STK32A: variants seen among roughly 807,000 people sequenced by gnomAD.
STK32A encodes the protein serine/threonine kinase 32A.
STK32A carries 41 observed loss-of-function variants against 53.2 expected under a neutral mutation model. The ratio of observed to expected loss-of-function variants is 0.77; its 90% CI spans 0.60 to 1.00. STK32A has a LOEUF of 1.00. Among genes scored for constraint, STK32A ranks in the 50% least tolerant of loss-of-function variants. The probability of loss-of-function intolerance (pLI) is 0.00; values close to 1 mark genes in which losing one functional copy is unlikely to be tolerated. For synonymous variants in STK32A, 166 were observed against 162.8 expected (o/e 1.02, Z -0.15); for missense variants, 458 against 485.8 (o/e 0.94, Z 0.54).
chr5:147,381,716 A>G (rs1757461870), intron 11 of STK32A, among the ~76,000 whole-genome samples: 1 of 151,276 alleles, frequency 6.6e-6, no homozygotes, highest in Admixed American at 6.6e-5. Context: ...TACTTGGGAT[A>G]CACTGTGCCT....
intron 8 of STK32A, among the ~76,000 whole-genome samples, chr5:147,364,275 ATT>A (rs1457521548): frequency 1.3e-5 from 2 of 152,086 alleles, no homozygotes; most frequent in East Asian, 3.9e-4. Flanking sequence ...ATCACTCACA[ATT>A]TCTACCTTCT....
At chr5:147,331,045 C>G (rs570349147) in intron 5 of STK32A, among the ~76,000 whole-genome samples, 1 of 152,258 alleles carries the variant, frequency 6.6e-6, no homozygotes, top group South Asian at 2.1e-4. Context: ...TAAGACATTT[C>G]TGCAGCTAAT....
chr5:147,277,492 CA>C (rs1267397699), intron 2 of STK32A, among the ~76,000 whole-genome samples: 1 of 152,154 alleles, frequency 6.6e-6, no homozygotes, highest in Non-Finnish European at 1.5e-5. Flanking sequence ...CACACATATC[CA>C]TTCTAATCTG....
At chr5:147,316,385 A>AC (rs1261538650) in intron 4 of STK32A, among the ~76,000 whole-genome samples, 1 of 152,232 alleles carries the variant, frequency 6.6e-6, no homozygotes. Context: ...CAGGAAATAT[A>AC]CAAGATAGCC....
At chr5:147,263,256 A>G (rs6891890) in intron 2 of STK32A, among the ~76,000 whole-genome samples, 44,999 of 151,928 alleles carry the variant, frequency 0.3, 7,066 homozygotes, top group African/African-American at 0.36. Flanking sequence ...AAGATTTAAA[A>G]TTATCAACAT....
intron 2 of STK32A, among the ~76,000 whole-genome samples, chr5:147,272,707 G>A (rs1000229657): frequency 1.3e-5 from 2 of 152,270 alleles, no homozygotes; most frequent in East Asian, 3.9e-4. Context: ...CTGAATAATT[G>A]TTGTACTTAA....
chr5:147,348,657 A>G (rs1283948430), intron 6 of STK32A: 2 of 763,442 alleles, frequency 2.6e-6, no homozygotes. Context: ...CTGGCTGCTC[A>G]TCTGAATCAC....
chr5:147,237,919 T>C (rs1677507189), intron 1 of STK32A, among the ~76,000 whole-genome samples: 1 of 152,240 alleles, frequency 6.6e-6, no homozygotes, highest in Non-Finnish European at 1.5e-5. Flanking sequence ...GTAATCAATA[T>C]TCCCTTCACA....
At chr5:147,240,692 G>A (rs146686748) in intron 2 of STK32A, among the ~76,000 whole-genome samples, 111 of 152,368 alleles carry the variant, frequency 7.3e-4, no homozygotes, top group African/African-American at 2.5e-3. Context: ...TAGAATGCAA[G>A]TTTGATTGCT....
intron 4 of STK32A, among the ~76,000 whole-genome samples, chr5:147,312,984 T>C (rs1211266520): frequency 6.9e-6 from 1 of 145,314 alleles, no homozygotes. Context: ...CTCACACCTG[T>C]AACCACAACA....
intron 2 of STK32A, among the ~76,000 whole-genome samples, chr5:147,241,581 C>A (rs543115221): frequency 6.6e-6 from 1 of 152,304 alleles, no homozygotes; most frequent in South Asian, 2.1e-4. Context: ...CCCATTCTTA[C>A]TATTTCTACA....
intron 2 of STK32A, among the ~76,000 whole-genome samples, chr5:147,270,906 C>A (rs1201800331): frequency 6.6e-6 from 1 of 152,134 alleles, no homozygotes; most frequent in Non-Finnish European, 1.5e-5. Context: ...TTAACATATT[C>A]TTTGCCCAGC....
At chr5:147,238,146 T>A (rs915366528) in intron 1 of STK32A, among the ~76,000 whole-genome samples, 2 of 152,228 alleles carry the variant, frequency 1.3e-5, no homozygotes, top group Non-Finnish European at 2.9e-5. Context: ...TGAGTAGAAT[T>A]TTAAAATATT....
chr5:147,305,298 CAGAT>C (rs1753349137), intron 4 of STK32A, among the ~76,000 whole-genome samples: 1 of 152,126 alleles, frequency 6.6e-6, no homozygotes, highest in Non-Finnish European at 1.5e-5. Context: ...TCCTGCCTCA[CAGAT>C]AGGTTACCAC....
At chr5:147,298,317 T>C (rs377705083) in intron 4 of STK32A, among the ~76,000 whole-genome samples, 56 of 152,306 alleles carry the variant, frequency 3.7e-4, no homozygotes, top group African/African-American at 1.2e-3. Flanking sequence ...GGCAATTTTT[T>C]CTTTTAGGAT....
chr5:147,260,190 C>CCT (rs1377980142), intron 2 of STK32A, among the ~76,000 whole-genome samples: 1 of 41,604 alleles, frequency 2.4e-5, no homozygotes, highest in East Asian at 4.5e-4. Context: ...CTCTCTCTCT[C>CCT]CTCTCTCTCT....
intron 2 of STK32A, among the ~76,000 whole-genome samples, chr5:147,247,166 G>T (rs1291108392): frequency 6.6e-6 from 1 of 152,160 alleles, no homozygotes; most frequent in African/African-American, 2.4e-5. Flanking sequence ...AAGAAAATGG[G>T]AGTGCAGGCC....
At chr5:147,345,981 A>G (rs1755666530) in intron 6 of STK32A, among the ~76,000 whole-genome samples, 2 of 152,108 alleles carry the variant, frequency 1.3e-5, no homozygotes, top group Admixed American at 6.6e-5. Context: ...TTTTCTAAAC[A>G]TTGCCTTAGG....
Position 147,279,266 on chromosome 5 carries a change from A to G in STK32A, c.128A>G (p.Asn43Ser). Residue 43 changes from asparagine to serine, a missense_variant, in exon 4 of 13, where the codon AAT (asparagine) becomes AGT (serine). Coordinates refer to ENST00000397936, the MANE Select transcript of STK32A (RefSeq NM_001112724.2). ...SFGKVCIVQK[N>S]DTKKMYAMKY... is the part of the protein sequence containing the mutation. Reference sequence around the variant, plus strand: ...CATTAGGTCTGCATTGTACAGAAGAATGATACCAAGAAGATGTACGCAATG... The same window carrying G: ...CATTAGGTCTGCATTGTACAGAAGAGTGATACCAAGAAGATGTACGCAATG... 2 of 1,613,850 alleles carry G rather than the reference A, an allele frequency of 1.2e-6. No homozygotes were observed. The highest frequency in any genetic ancestry group is 1.7e-6 in the Non-Finnish European group (2 of 1,179,814).
Sources: allele counts gnomAD v4.1 joint callset (sites outside exome capture counted in the v4.1 genomes callset), GRCh38; gene constraint gnomAD v4.1.1; transcripts MANE v1.5; gene names NCBI Gene and HGNC (gene_info 2026-07-23, HGNC 2026-07-21).